Variants in CTNNA1 observed in about 807,000 individuals in gnomAD.
The protein encoded by CTNNA1 is catenin alpha-1.
CTNNA1 carries 37 observed loss-of-function variants against 98.4 expected under a neutral mutation model. The observed-to-expected ratio is 0.38, with a 90% confidence interval of 0.29 to 0.49. The LOEUF is 0.49. CTNNA1 is among the 20% of genes least tolerant of loss of function. The pLI is 0.95. For missense variants in CTNNA1, 761 were observed against 1,147.2 expected (o/e 0.66, Z 4.86); for synonymous variants, 404 against 413.2 (o/e 0.98, Z 0.27).
intron 9 of CTNNA1, among the ~76,000 whole-genome samples, chr5:138,890,362 T>C (rs1755080189): frequency 6.6e-6 from 1 of 152,206 alleles, no homozygotes; most frequent in African/African-American, 2.4e-5. Flanking sequence ...TGCCTTCACT[T>C]CACATGTCAG....
chr5:138,758,512 G>T (rs952095162), intron 1 of CTNNA1, among the ~76,000 whole-genome samples: 1 of 152,280 alleles, frequency 6.6e-6, no homozygotes, highest in South Asian at 2.1e-4. Context: ...CAAATAGCTG[G>T]ACTACAGGCA....
chr5:138,756,069 T>C (rs1193630860), intron 1 of CTNNA1, among the ~76,000 whole-genome samples: 1 of 151,382 alleles, frequency 6.6e-6, no homozygotes, highest in Non-Finnish European at 1.5e-5. Context: ...GAGATAGTCT[T>C]GCTGTGTCTC....
intron 5 of CTNNA1, among the ~76,000 whole-genome samples, chr5:138,815,862 C>G (rs972320496): frequency 6.6e-6 from 1 of 152,082 alleles, no homozygotes; most frequent in African/African-American, 2.4e-5. Context: ...ACAAAATGGT[C>G]TTTTATAGGC....
At chr5:138,775,156 C>T (rs1274039368) in intron 1 of CTNNA1, among the ~76,000 whole-genome samples, 1 of 152,146 alleles carries the variant, frequency 6.6e-6, no homozygotes, top group African/African-American at 2.4e-5. Context: ...CTTTGCAACC[C>T]TGGAAGGTTC....
At chr5:138,912,652 G>T (rs1760897628) in intron 10 of CTNNA1, among the ~76,000 whole-genome samples, 2 of 152,296 alleles carry the variant, frequency 1.3e-5, no homozygotes, top group Admixed American at 6.5e-5. Flanking sequence ...CTGTACTGGG[G>T]CTCAAGCCAA....
At chr5:138,866,755 GGGA>G (rs1764822346) in intron 7 of CTNNA1, among the ~76,000 whole-genome samples, 1 of 152,182 alleles carries the variant, frequency 6.6e-6, no homozygotes, top group Non-Finnish European at 1.5e-5. Flanking sequence ...ATAGTAGAAG[GGGA>G]GGTTTAAGAT....
At chr5:138,832,607 T>C (rs1455204196) in intron 7 of CTNNA1, among the ~76,000 whole-genome samples, 1 of 152,118 alleles carries the variant, frequency 6.6e-6, no homozygotes, top group Non-Finnish European at 1.5e-5. Flanking sequence ...AATTCAGACA[T>C]GTGCATTAAA....
intron 1 of CTNNA1, among the ~76,000 whole-genome samples, chr5:138,761,773 G>C (rs1339656182): frequency 6.6e-6 from 1 of 152,014 alleles, no homozygotes; most frequent in East Asian, 1.9e-4. Flanking sequence ...TGTTGTTGTT[G>C]ATACAGGGTC....
At chr5:138,858,068 C>T (rs1388083361) in intron 7 of CTNNA1, among the ~76,000 whole-genome samples, 1 of 152,032 alleles carries the variant, frequency 6.6e-6, no homozygotes, top group Non-Finnish European at 1.5e-5. Context: ...CAGTTGCAGA[C>T]ACTTGTACAT....
At position 138,781,542 on chromosome 5, in the gene CTNNA1, A is replaced by C. The variant is rs1386320508; in HGVS notation, c.-2-381A>C. Among the ~76,000 whole-genome samples, 3 of 140,616 alleles carry C rather than the reference A, an allele frequency of 2.1e-5. No homozygotes were observed. In the East Asian group the frequency reaches 6.6e-4, roughly 31 times the overall value. 92.2% of individuals were successfully genotyped at this position (140,616 alleles called of 152,430 possible). ...TGCCCTCCAGCCTGGGCGAAAGAGC[A>C]AGACTCTGTCTCAAAAAAAAAAAAA... On this transcript the variant is annotated intron_variant, in intron 1 of 17. Transcript: ENST00000302763.
chr5:138,887,092 T>C (rs1257484960), intron 8 of CTNNA1, among the ~76,000 whole-genome samples: 1 of 152,182 alleles, frequency 6.6e-6, no homozygotes, highest in African/African-American at 2.4e-5. Flanking sequence ...ATAACTCTTT[T>C]TTCTCTCTTC....
chr5:138,897,558 TCTGGCAA>T (rs916941482), intron 9 of CTNNA1, among the ~76,000 whole-genome samples: 1 of 152,090 alleles, frequency 6.6e-6, no homozygotes, highest in African/African-American at 2.4e-5. Context: ...AGGCTGATAT[TCTGGCAA>T]AAAGCAAATT....
intron 9 of CTNNA1, among the ~76,000 whole-genome samples, chr5:138,903,276 A>T (rs1391532459): frequency 6.6e-6 from 1 of 152,224 alleles, no homozygotes; most frequent in Non-Finnish European, 1.5e-5. Context: ...GTAATAGTGT[A>T]TAATTTTTCT....
chr5:138,753,484 AT>A lies in CTNNA1; in HGVS notation c.-26del. On this transcript the variant is annotated 5_prime_UTR_variant, in exon 1 of 18. Coordinates refer to ENST00000302763, the MANE Select transcript of CTNNA1 (RefSeq NM_001903.5). The stretch of plus-strand genomic sequence containing the variant: ...CGCCCGTCTGCTTCGGGCCTCTGGA[AT>A]TTAGCGCTCGCCCAGCTAGCCGCAG... The A allele has an allele frequency of 2.7e-6, 1 of 372,464 alleles. No homozygotes were observed. 23.1% of individuals were successfully genotyped at this position (372,464 alleles called of 1,614,324 possible). A position where few individuals can be genotyped will look rare whatever the true frequency, so the allele number is the denominator to read the frequency against.
chr5:138,926,835 C>T (rs1028729871), intron 13 of CTNNA1, among the ~76,000 whole-genome samples: 4 of 152,174 alleles, frequency 2.6e-5, no homozygotes, highest in African/African-American at 9.7e-5. Flanking sequence ...AAGTCCTTGA[C>T]CTCTTCAGAG....
intron 17 of CTNNA1, chr5:138,933,006 AC>A (rs1447911542): frequency 1.3e-6 from 1 of 764,708 alleles, no homozygotes; most frequent in South Asian, 1.3e-5. Context: ...GGTGGCAGGT[AC>A]CTGTAAGTCC....
chr5:138,882,496 G>A (rs1203099774), intron 7 of CTNNA1, among the ~76,000 whole-genome samples: 1 of 152,124 alleles, frequency 6.6e-6, no homozygotes, highest in Admixed American at 6.5e-5. Flanking sequence ...TCAATGTAGG[G>A]CACTTTTTAT....
chr5:138,830,311 A>G (rs891269240), intron 7 of CTNNA1, among the ~76,000 whole-genome samples: 1 of 152,238 alleles, frequency 6.6e-6, no homozygotes, highest in Non-Finnish European at 1.5e-5. Context: ...GCAGTGAGCC[A>G]AGATCGCACC....
At chr5:138,832,120 T>G (rs893759965) in intron 7 of CTNNA1, among the ~76,000 whole-genome samples, 2 of 152,338 alleles carry the variant, frequency 1.3e-5, no homozygotes, top group Non-Finnish European at 1.5e-5. Flanking sequence ...TTAAATTTAA[T>G]TCATCAGCTG....
Sources: allele counts gnomAD v4.1 joint callset (sites outside exome capture counted in the v4.1 genomes callset), GRCh38; gene constraint gnomAD v4.1.1; transcripts MANE v1.5; gene names NCBI Gene and HGNC (gene_info 2026-07-23, HGNC 2026-07-21).